The following ZNF804A variants were observed in gnomAD, a reference collection of about 807,000 sequenced individuals.
ZNF804A encodes zinc finger protein 804A.
In ZNF804A, 2 loss-of-function variants were observed where a neutral mutation model predicts 16.5. That is an observed-to-expected ratio of 0.12 (90% confidence interval 0.05 to 0.38). The LOEUF (loss-of-function observed/expected upper bound fraction) is 0.38. Ranked by LOEUF, ZNF804A falls within the 10% of genes least tolerant of loss-of-function variation. The probability of loss-of-function intolerance (pLI) is 0.99; values close to 1 mark genes in which losing one functional copy is unlikely to be tolerated. For missense variants in ZNF804A, 1,473 were observed against 1,390.7 expected (o/e 1.06, Z -0.94); for synonymous variants, 534 against 489.6 (o/e 1.09, Z -1.20).
intron 1 of ZNF804A, among the ~76,000 whole-genome samples, chr2:184,831,183 A>G (rs1340299755): frequency 6.6e-6 from 1 of 152,104 alleles, no homozygotes; most frequent in Non-Finnish European, 1.5e-5. Context: ...GCCCGCTTTT[A>G]TATGTTATTA....
At chr2:184,624,322 A>T (rs1691465570) in intron 1 of ZNF804A, among the ~76,000 whole-genome samples, 1 of 152,194 alleles carries the variant, frequency 6.6e-6, no homozygotes, top group African/African-American at 2.4e-5. Flanking sequence ...ACTATAAGAC[A>T]TCTACAAGCT....
At chr2:184,669,341 T>C (rs1412913088) in intron 1 of ZNF804A, among the ~76,000 whole-genome samples, 1 of 152,036 alleles carries the variant, frequency 6.6e-6, no homozygotes, top group Non-Finnish European at 1.5e-5. Flanking sequence ...TATTTGTTGT[T>C]TATGGTTCTG....
chr2:184,772,170 G>T (rs1574205005), intron 1 of ZNF804A, among the ~76,000 whole-genome samples: 1 of 150,422 alleles, frequency 6.6e-6, no homozygotes, highest in South Asian at 2.1e-4. Context: ...TTTCTGTTTT[G>T]TTGATAATAG....
At chr2:184,850,643 A>G (rs1004723436) in intron 1 of ZNF804A, among the ~76,000 whole-genome samples, 1 of 151,550 alleles carries the variant, frequency 6.6e-6, no homozygotes, top group South Asian at 2.1e-4. Flanking sequence ...AATTTACACT[A>G]CATATAAATT....
chr2:184,624,219 T>C (rs1691461794), intron 1 of ZNF804A, among the ~76,000 whole-genome samples: 1 of 152,266 alleles, frequency 6.6e-6, no homozygotes, highest in Non-Finnish European at 1.5e-5. Context: ...TACAACTATG[T>C]GTATGTACTT....
At chr2:184,626,008 A>G (rs919341745) in intron 1 of ZNF804A, among the ~76,000 whole-genome samples, 3 of 152,102 alleles carry the variant, frequency 2.0e-5, no homozygotes, top group Non-Finnish European at 2.9e-5. Flanking sequence ...AGCTGGGACT[A>G]CAGGTGCCCG....
chr2:184,872,819 A>T (rs1422962770), intron 2 of ZNF804A, among the ~76,000 whole-genome samples: 2 of 152,144 alleles, frequency 1.3e-5, no homozygotes, highest in African/African-American at 4.8e-5. Context: ...AAGTGGTGAG[A>T]TCTTGCCTAA....
At chr2:184,831,382 T>A (rs1695260099) in intron 1 of ZNF804A, among the ~76,000 whole-genome samples, 1 of 152,094 alleles carries the variant, frequency 6.6e-6, no homozygotes, top group Non-Finnish European at 1.5e-5. Context: ...TGAAACTGAT[T>A]GTTGATTATG....
At chr2:184,668,854 G>A (rs983885402) in intron 1 of ZNF804A, among the ~76,000 whole-genome samples, 7 of 152,018 alleles carry the variant, frequency 4.6e-5, no homozygotes, top group African/African-American at 1.7e-4. Context: ...CATTAATGTT[G>A]TAAATAGTAT....
chr2:184,632,967 T>C (rs763799884), intron 1 of ZNF804A, among the ~76,000 whole-genome samples: 18 of 152,298 alleles, frequency 1.2e-4, no homozygotes, highest in Non-Finnish European at 2.2e-4. Flanking sequence ...GATGTGTGAT[T>C]CTCTCATATC....
At chr2:184,647,546 T>A (rs898150145) in intron 1 of ZNF804A, among the ~76,000 whole-genome samples, 1 of 151,988 alleles carries the variant, frequency 6.6e-6, no homozygotes, top group African/African-American at 2.4e-5. Flanking sequence ...TAAAAATAAA[T>A]CATTCAGAGC....
chr2:184,749,861 C>T (rs995714870), intron 1 of ZNF804A, among the ~76,000 whole-genome samples: 3 of 151,214 alleles, frequency 2.0e-5, no homozygotes, highest in Non-Finnish European at 3.0e-5. Context: ...GAAATTCTCA[C>T]TCATTGATTA....
At position 184,744,352 on chromosome 2, in the gene ZNF804A, C is replaced by A. The variant is rs141151704; in HGVS notation, c.112-122017C>A. Among the ~76,000 whole-genome samples the A allele has an allele frequency of 4.6e-5, 7 of 151,944 alleles. No homozygotes were observed. In the East Asian group the frequency reaches 1.4e-3, roughly 29 times the overall value. On this transcript the variant is annotated intron_variant, in intron 1 of 3. Transcript: ENST00000302277. Reference sequence around the variant, plus strand: ...TGAATGTTTGTGTCTCCCCAAAATTCATATGTTGAAACCCTAACCCCTAAG... The same window carrying A: ...TGAATGTTTGTGTCTCCCCAAAATTAATATGTTGAAACCCTAACCCCTAAG...
chr2:184,796,171 TA>T (rs2105780750), intron 1 of ZNF804A, among the ~76,000 whole-genome samples: 2 of 152,210 alleles, frequency 1.3e-5, no homozygotes, highest in African/African-American at 4.8e-5. Flanking sequence ...TATCGGTCTG[TA>T]GTTTCCTTTT....
chr2:184,642,514 A>G (rs1478749574), intron 1 of ZNF804A, among the ~76,000 whole-genome samples: 4 of 152,204 alleles, frequency 2.6e-5, no homozygotes, highest in Non-Finnish European at 4.4e-5. Flanking sequence ...TAATTGTTTT[A>G]AAAATTCATT....
chr2:184,821,276 T>C lies in ZNF804A; in HGVS notation c.112-45093T>C, dbSNP rs545886745. 1.2e-3 allele frequency among the ~76,000 whole-genome samples: 180 copies of C among 152,240 alleles called. 2 individuals carry two copies. The highest frequency in any genetic ancestry group is 4.2e-3 in the African/African-American group (173 of 41,552). ...ATAAAACTGCACACCTACAACCGTCTGAGCTGTGACAAACCTGACAAAAAC... is the reference window on the plus strand; with the variant it reads ...ATAAAACTGCACACCTACAACCGTCCGAGCTGTGACAAACCTGACAAAAAC... On this transcript the variant is annotated intron_variant, in intron 1 of 3. Coordinates refer to ENST00000302277, the MANE Select transcript of ZNF804A (RefSeq NM_194250.2).
intron 1 of ZNF804A, among the ~76,000 whole-genome samples, chr2:184,731,251 C>CAAAAAAAAAAAA (rs563068533): frequency 2.2e-5 from 1 of 45,314 alleles, no homozygotes. Flanking sequence ...GGCTCCGTCG[C>CAAAAAAAAAAAA]AAAAAAAAAA....
At chr2:184,723,708 T>C (rs1210501654) in intron 1 of ZNF804A, among the ~76,000 whole-genome samples, 2 of 151,764 alleles carry the variant, frequency 1.3e-5, no homozygotes, top group Non-Finnish European at 3.0e-5. Flanking sequence ...CTGTTAAATG[T>C]ATATTTTGAT....
intron 1 of ZNF804A, among the ~76,000 whole-genome samples, chr2:184,836,520 C>A (rs1243654681): frequency 6.6e-6 from 1 of 152,040 alleles, no homozygotes; most frequent in African/African-American, 2.4e-5. Context: ...ACTTTTCAAA[C>A]AGTATCCTCA....
Sources: allele counts gnomAD v4.1 joint callset (sites outside exome capture counted in the v4.1 genomes callset), GRCh38; gene constraint gnomAD v4.1.1; transcripts MANE v1.5; gene names NCBI Gene and HGNC (gene_info 2026-07-23, HGNC 2026-07-21).